Variants in TKTL1 observed in about 807,000 individuals in gnomAD.
TKTL1 encodes transketolase-like protein 1.
Under a neutral mutation model 39.3 loss-of-function variants are expected in TKTL1, and 1 was observed. The observed-to-expected ratio is 0.03, with a 90% CI of 0.01 to 0.12. The LOEUF is 0.12. Ranked by LOEUF, TKTL1 falls within the 10% of genes least tolerant of loss-of-function variation. TKTL1 has a pLI of 1.00. For synonymous variants in TKTL1, 262 were observed against 193.8 expected (o/e 1.35, Z -2.92); for missense variants, 575 against 509.6 (o/e 1.13, Z -1.24).
Position 154,312,736 on chromosome X carries a change from GGAT to G in TKTL1, c.830_832del (p.Met277del), listed in dbSNP as rs782772141. ...CCTGAAGTCAACATCACAGATGTAA[GGAT>G]GACCTCTCCACCTGATTACAGAGTT... is the stretch of plus-strand genomic sequence containing the variant. On this transcript the variant is annotated inframe_deletion, in exon 6 of 13. Coordinates refer to ENST00000369915, the MANE Select transcript of TKTL1 (RefSeq NM_012253.4). The G allele has an allele frequency of 3.3e-5, 40 of 1,208,270 alleles. 1 individual carries two copies. Among genetic ancestry groups the G allele is most frequent in the Non-Finnish European group, 3.4e-5 (30 of 894,534 alleles).
intron 12 of TKTL1, 77 bp from the exon 13 acceptor site, chrX:154,329,439 C>T (rs1221451268): frequency 9.7e-7 from 1 of 1,029,702 alleles, no homozygotes; most frequent in South Asian, 2.1e-5. Context: ...GCTGCAGATT[C>T]AAAGGCCTCT....
intron 2 of TKTL1, among the ~76,000 whole-genome samples, chrX:154,306,145 TAAAAAA>T (rs34305192): frequency 9.9e-6 from 1 of 101,116 alleles, no homozygotes; most frequent in African/African-American, 3.6e-5. Context: ...CGTCTCCACT[TAAAAAA>T]AAAAAAAATT....
In TKTL1 at chrX:154,315,166, C is replaced by T. The variant is rs376567295; in HGVS notation, c.865-7C>T. 5 of 1,206,711 alleles carry T rather than the reference C, an allele frequency of 4.1e-6. No individual in the cohort carries two copies. In the African/African-American group the frequency reaches 7.0e-5, roughly 17 times the overall value. On this transcript the variant is annotated splice_polypyrimidine_tract_variant and splice_region_variant and intron_variant, in intron 6 of 12. Coordinates refer to ENST00000369915, the MANE Select transcript of TKTL1 (RefSeq NM_012253.4). ...AACTCTACCACCTGATTGTCTCTGT[C>T]TTCTAGATAGCTACTCGGAAAGCAT...
rs782742883 is a variant in TKTL1 at position 154,325,236 on chromosome X, A to G, written c.1318-103A>G. 7.0e-5 allele frequency: 55 copies of G among 784,409 alleles called. No individual in the cohort carries two copies. In the Admixed American group the frequency reaches 1.1e-3, roughly 16 times the overall value. The allele number at this position is 784,409 out of a possible 1,213,427, so 64.6% of individuals were successfully genotyped here. ...TTTCTCCAAAGCCTGTGTTTTTAGT[A>G]GAAAGAGCTGTCCTCTTCACACCCC... On this transcript the variant is annotated intron_variant, in intron 9 of 12. Coordinates refer to ENST00000369915, the MANE Select transcript of TKTL1 (RefSeq NM_012253.4).
chrX:154,295,967 C>T lies in TKTL1; in HGVS notation c.108C>T (p.Ile36=). 2 of 1,211,932 alleles carry T rather than the reference C, an allele frequency of 1.7e-6. No homozygotes were observed. The highest frequency in any genetic ancestry group is 3.5e-5 in the South Asian group (2 of 57,013). The change falls in exon 1 of 13, where the codon ATC becomes ATT. Residue 36 remains isoleucine, a synonymous_variant. Transcript: ENST00000369915. ...DMASRLRIHS[I]RATCSTSSGH... ...CCAGCCGCTTGCGAATCCATTCCAT[C>T]AGGGCCACATGCTCCACGAGCTCCG...
intron 1 of TKTL1, among the ~76,000 whole-genome samples, chrX:154,299,873 A>G (rs2067259534): frequency 9.0e-6 from 1 of 111,622 alleles, no homozygotes; most frequent in African/African-American, 3.3e-5. Flanking sequence ...TATCTTTGCA[A>G]TTGTGAATTG....
intron 1 of TKTL1, among the ~76,000 whole-genome samples, chrX:154,299,149 CTTTT>C (rs1180562974): frequency 3.3e-4 from 12 of 35,927 alleles, no homozygotes; most frequent in Non-Finnish European, 6.2e-4. Flanking sequence ...CTTTTTCTTT[CTTTT>C]TTTTTTTTTT....
intron 1 of TKTL1, among the ~76,000 whole-genome samples, chrX:154,296,540 G>A (rs1245292557): frequency 9.0e-6 from 1 of 110,936 alleles, no homozygotes; most frequent in Non-Finnish European, 1.9e-5. Context: ...GCATGGGGGC[G>A]CACACCTGCA....
chrX:154,322,863 A>G (rs1557171159), intron 8 of TKTL1, among the ~76,000 whole-genome samples: 1 of 111,729 alleles, frequency 9.0e-6, no homozygotes, highest in East Asian at 2.8e-4. Context: ...AAGCCTGAGG[A>G]CCTTCCTAAA....
At chrX:154,321,498 G>A (rs1350107713) in intron 8 of TKTL1, among the ~76,000 whole-genome samples, 3 of 87,006 alleles carry the variant, frequency 3.4e-5, no homozygotes, top group Admixed American at 2.6e-4. Flanking sequence ...AGGTGGTGGG[G>A]GAGAAAACCA....
In TKTL1 at chrX:154,309,495, C is replaced by G. The variant is rs782450579; in HGVS notation, c.350+53C>G. On this transcript the variant is annotated intron_variant, in intron 3 of 12. Coordinates refer to ENST00000369915, the MANE Select transcript of TKTL1 (RefSeq NM_012253.4). ...ACTGCCCTACATCTACATCCCCTTC[C>G]TAGAGTCTCGGGGGGCAGCCACCTA... is the stretch of plus-strand genomic sequence containing the variant. The G allele has an allele frequency of 1.8e-4, 185 of 1,043,324 alleles. No individual in the cohort carries two copies. The South Asian group carries it at 3.5e-3, about 20-fold the overall frequency. The allele number at this position is 1,043,324 out of a possible 1,213,427, so 86.0% of individuals were successfully genotyped here.
Position 154,315,337 on chromosome X carries a change from G to A in TKTL1, c.1029G>A (p.Met343Ile), listed in dbSNP as rs782732237. ...FIECFMAEQN[M>I]VSVALGCASR... ...AGTGCTTTATGGCTGAACAAAACAT[G>A]GTGAGTGTGTAGTGTCTCTCAGGGC... The change falls in exon 7 of 13, where the codon ATG (methionine) becomes ATA (isoleucine). Residue 343 changes from methionine to isoleucine, a missense_variant and splice_region_variant. Met to Ile is a conservative substitution (Grantham distance 10). Transcript: ENST00000369915. 1.7e-6 allele frequency: 2 copies of A among 1,207,328 alleles called. No homozygotes were observed. Among genetic ancestry groups the A allele is most frequent in the Non-Finnish European group, 2.2e-6 (2 of 892,694 alleles).
At chrX:154,320,495 C>G in intron 7 of TKTL1, 1 of 383,901 alleles carries the variant, frequency 2.6e-6, no homozygotes, top group Non-Finnish European at 4.6e-6. Context: ...GGCATGGACC[C>G]TGGAAAGCTG....
At chrX:154,323,163 A>C (rs1443698092) in intron 8 of TKTL1, 44 bp from the exon 9 acceptor site, 2 of 1,194,561 alleles carry the variant, frequency 1.7e-6, no homozygotes, top group Non-Finnish European at 2.3e-6. Flanking sequence ...GCAGGTTCCT[A>C]ATGGGGTTAT....
Position 154,327,581 on chromosome X carries a change from A to G in TKTL1, c.1402-10A>G. ...AACCACGGCATTCTGTTTTGCTGGC[A>G]CTATACCAGGTCCTCCGCCACTGTG... On this transcript the variant is annotated splice_polypyrimidine_tract_variant and intron_variant, in intron 10 of 12. Transcript: ENST00000369915. 1 of 1,204,321 alleles carries G rather than the reference A, an allele frequency of 8.3e-7. No homozygotes were observed. Among genetic ancestry groups the G allele is most frequent in the Non-Finnish European group, 1.1e-6 (1 of 888,944 alleles).
chrX:154,317,249 C>T (rs782340291), intron 7 of TKTL1, among the ~76,000 whole-genome samples: 8 of 112,068 alleles, frequency 7.1e-5, no homozygotes, highest in Non-Finnish European at 1.1e-4. Flanking sequence ...AAAAGGCGAG[C>T]AGGTGGTATT....
chrX:154,325,933 A>G (rs1557171878), intron 10 of TKTL1, among the ~76,000 whole-genome samples: 1 of 112,188 alleles, frequency 8.9e-6, no homozygotes, highest in Non-Finnish European at 1.9e-5. Flanking sequence ...GCAGTGAGCT[A>G]TGATGGATCA....
intron 5 of TKTL1, among the ~76,000 whole-genome samples, chrX:154,311,946 C>T (rs894135203): frequency 2.7e-5 from 3 of 110,377 alleles, no homozygotes; most frequent in African/African-American, 9.9e-5. Flanking sequence ...CCATTCACTC[C>T]TCCCCATCTC....
At chrX:154,318,475 GGAT>G (rs2067420609) in intron 7 of TKTL1, among the ~76,000 whole-genome samples, 1 of 106,886 alleles carries the variant, frequency 9.4e-6, no homozygotes, top group Non-Finnish European at 1.9e-5. Context: ...CGAGGCGGAC[GGAT>G]CACGAGGTCA....
Sources: allele counts gnomAD v4.1 joint callset (sites outside exome capture counted in the v4.1 genomes callset), GRCh38; gene constraint gnomAD v4.1.1; transcripts MANE v1.5; gene names NCBI Gene and HGNC (gene_info 2026-07-23, HGNC 2026-07-21).